Variants in AKAP7 observed in about 807,000 individuals in gnomAD.
AKAP7 encodes the protein A-kinase anchoring protein 7, also known as A kinase (PRKA) anchor protein 7.
Under a neutral mutation model 39.5 loss-of-function variants are expected in AKAP7, and 39 were observed. That is an observed-to-expected ratio of 0.99 (90% CI 0.76 to 1.29). The LOEUF is 1.29. Ranked by LOEUF, AKAP7 falls within the 50% of genes most tolerant of loss-of-function variation. The pLI, the probability that AKAP7 is intolerant of heterozygous loss-of-function variation, is 0.00. For synonymous variants in AKAP7, 140 were observed against 139.1 expected (o/e 1.01, Z -0.05); for missense variants, 414 against 407.7 (o/e 1.02, Z -0.13).
intron 5 of AKAP7, among the ~76,000 whole-genome samples, chr6:131,193,838 T>C (rs1456132358): frequency 1.3e-5 from 2 of 152,102 alleles, no homozygotes; most frequent in Non-Finnish European, 2.9e-5. Context: ...TATTGTCATA[T>C]AGTTACTCGT....
intron 7 of AKAP7, chr6:131,250,294 A>T (rs565136900): frequency 8.0e-7 from 1 of 1,242,340 alleles, no homozygotes; most frequent in East Asian, 3.6e-5. Context: ...TTGTGAGAAT[A>T]CGGGAGCGTA....
intron 7 of AKAP7, among the ~76,000 whole-genome samples, chr6:131,272,262 T>G (rs1814346917): frequency 6.6e-6 from 1 of 152,254 alleles, no homozygotes; most frequent in African/African-American, 2.4e-5. Flanking sequence ...TATTTTTTGT[T>G]TCTGATCAGT....
chr6:131,185,025 C>A lies in AKAP7; in HGVS notation c.590-14436C>A, dbSNP rs1729549. 7 of 744,692 alleles carry A rather than the reference C, an allele frequency of 9.4e-6. No individual in the cohort carries two copies. In the South Asian group the frequency reaches 9.5e-5, roughly 10 times the overall value. The allele number at this position is 744,692 out of a possible 1,614,324, so 46.1% of individuals were successfully genotyped here. On this transcript the variant is annotated intron_variant, in intron 5 of 7. Transcript: ENST00000431975. ...CAGGAAGTCATCTGGTTCTAGGATCCGCTTTCGTGCTTGACTGTTTGTCAC... is the reference window on the plus strand; with the variant it reads ...CAGGAAGTCATCTGGTTCTAGGATCAGCTTTCGTGCTTGACTGTTTGTCAC...
chr6:131,180,525 C>A (rs1045122330), intron 5 of AKAP7, among the ~76,000 whole-genome samples: 2 of 152,158 alleles, frequency 1.3e-5, no homozygotes, highest in African/African-American at 2.4e-5. Flanking sequence ...AAAGAGTTGC[C>A]TGTATTCTCT....
chr6:131,205,897 G>A (rs550679118), intron 6 of AKAP7, among the ~76,000 whole-genome samples: 1 of 152,124 alleles, frequency 6.6e-6, no homozygotes, highest in Non-Finnish European at 1.5e-5. Flanking sequence ...TAAAGTTCAG[G>A]TTATTTGTAG....
At chr6:131,208,233 TTGTC>T (rs1808316657) in intron 6 of AKAP7, among the ~76,000 whole-genome samples, 1 of 152,242 alleles carries the variant, frequency 6.6e-6, no homozygotes, top group Non-Finnish European at 1.5e-5. Context: ...TGCTGTTGTA[TTGTC>T]TATTTCTGTA....
upstream of AKAP7, among the ~76,000 whole-genome samples, chr6:131,132,316 A>G (rs79355084): frequency 1.7e-4 from 2 of 11,530 alleles, no homozygotes; most frequent in African/African-American, 2.9e-4. Context: ...CCGTCTCAGA[A>G]AAAAAAAAAA....
intron 6 of AKAP7, among the ~76,000 whole-genome samples, chr6:131,219,439 A>G (rs1391943866): frequency 1.3e-5 from 2 of 152,156 alleles, no homozygotes; most frequent in Non-Finnish European, 2.9e-5. Flanking sequence ...ATTTAAACCT[A>G]ACACTCTTTA....
chr6:131,155,752 A>G (rs1428027713), intron 2 of AKAP7, among the ~76,000 whole-genome samples: 2 of 152,202 alleles, frequency 1.3e-5, no homozygotes, highest in African/African-American at 4.8e-5. Context: ...AGTATCATTA[A>G]GAATGGATGG....
chr6:131,150,514 G>A (rs1477587080), intron 2 of AKAP7, among the ~76,000 whole-genome samples: 1 of 152,010 alleles, frequency 6.6e-6, no homozygotes, highest in Non-Finnish European at 1.5e-5. Flanking sequence ...TAATTAATTG[G>A]GGAAGCATAT....
chr6:131,199,558 G>A lies in AKAP7; in HGVS notation c.687G>A (p.Pro229=), dbSNP rs756591485. 8.3e-5 allele frequency: 133 copies of A among 1,605,648 alleles called. 1 individual carries two copies. In the South Asian group the frequency reaches 9.4e-4, roughly 11 times the overall value. ...CCTTCATGAAGTTGTCAAAATCACC[G>A]TGGCTCCGTAAGAATGTGAGTGCAT... ...HLTFMKLSKS[P]WLRKNGVKKI... Residue 229 remains proline (P), a synonymous_variant, in exon 6 of 8, where the codon CCG becomes CCA. Transcript: ENST00000431975.
intron 1 of AKAP7, among the ~76,000 whole-genome samples, chr6:131,138,354 CCATTGGATAACCTTAGTTATCCAA>C (rs1800754964): frequency 6.6e-6 from 1 of 152,130 alleles, no homozygotes; most frequent in South Asian, 2.1e-4. Context: ...TTTCCTTTTT[CCATTGGATAACCTTAGTTATCCAA>C]CACTTAAATT....
chr6:131,223,190 A>G (rs181861669), intron 7 of AKAP7, among the ~76,000 whole-genome samples: 23 of 152,364 alleles, frequency 1.5e-4, no homozygotes, highest in African/African-American at 5.5e-4. Flanking sequence ...CATTATTGCA[A>G]TGTTTGCTTT....
intron 7 of AKAP7, among the ~76,000 whole-genome samples, chr6:131,251,247 G>T (rs931794249): frequency 6.6e-6 from 1 of 152,136 alleles, no homozygotes; most frequent in African/African-American, 2.4e-5. Context: ...GGTGACATTT[G>T]CACTGAATTT....
rs1814811374 is a variant in AKAP7, at chr6:131,277,144, GA to G, written c.851-4385del. Among the ~76,000 whole-genome samples, 4 of 152,318 alleles carry G rather than the reference GA, an allele frequency of 2.6e-5. No homozygotes were observed. The South Asian group carries it at 6.2e-4, about 24-fold the overall frequency. ...GATGAACGATGCCACAACTCCTACAGAGAGTGGAATTGCTTACCTGAAGTTG... is the reference window on the plus strand; with the variant it reads ...GATGAACGATGCCACAACTCCTACAGGAGTGGAATTGCTTACCTGAAGTTG... On this transcript the variant is annotated intron_variant, in intron 7 of 7. Transcript: ENST00000431975.
At chr6:131,152,044 G>C (rs547619495) in intron 2 of AKAP7, among the ~76,000 whole-genome samples, 2 of 152,222 alleles carry the variant, frequency 1.3e-5, no homozygotes, top group Admixed American at 6.5e-5. Flanking sequence ...TGGTGCTTCA[G>C]TTAAAAAAAC....
rs193291693 is a variant in AKAP7 at position 131,277,714 on chromosome 6, G to T, written c.851-3816G>T. On this transcript the variant is annotated intron_variant, in intron 7 of 7. Coordinates refer to ENST00000431975, the MANE Select transcript of AKAP7 (RefSeq NM_016377.4). ...CTATTTTTTGAATTGCTGCATTATTGCAGGGCTCTGTGATAAGCCTTCCTG... is the reference window on the plus strand; with the variant it reads ...CTATTTTTTGAATTGCTGCATTATTTCAGGGCTCTGTGATAAGCCTTCCTG... 3.2e-3 allele frequency among the ~76,000 whole-genome samples: 494 copies of T among 152,294 alleles called. 2 individuals carry two copies. The highest frequency in any genetic ancestry group is 8.1e-3 in the African/African-American group (336 of 41,550).
chr6:131,234,255 G>A (rs962989624), intron 7 of AKAP7, among the ~76,000 whole-genome samples: 8 of 152,206 alleles, frequency 5.3e-5, no homozygotes, highest in African/African-American at 1.7e-4. Context: ...GCATTATGAT[G>A]TGTATTTAAG....
At chr6:131,127,812 T>C in the AKAP7 span, among the ~76,000 whole-genome samples, 4 of 152,208 alleles carry the variant, frequency 2.6e-5, no homozygotes, top group Non-Finnish European at 5.9e-5. Flanking sequence ...AAAGAAAATA[T>C]AGTACCTATA....
Sources: gnomAD v4.1 joint callset for allele counts (sites outside exome capture counted in the v4.1 genomes callset) on GRCh38, gnomAD v4.1.1 for gene constraint, MANE v1.5 for transcripts, NCBI Gene and HGNC (gene_info 2026-07-23, HGNC 2026-07-21) for gene names.